Variants in FSTL5 observed in about 807,000 individuals in gnomAD.
The protein encoded by FSTL5 is follistatin like 5, also known as follistatin-related protein 5.
In FSTL5, 62 loss-of-function variants were observed where a neutral mutation model predicts 89.1. The ratio of observed to expected loss-of-function variants is 0.70; its 90% CI spans 0.57 to 0.86. The LOEUF (loss-of-function observed/expected upper bound fraction) is 0.86, where lower values mean the gene tolerates loss of function less well. Among genes scored for constraint, FSTL5 ranks in the 40% least tolerant of loss-of-function variants. The pLI is 0.00. For synonymous variants in FSTL5, 383 were observed against 346.2 expected, an observed-to-expected ratio of 1.11 and a Z score of -1.18; for missense variants, 1,057 against 1,001.6, an observed-to-expected ratio of 1.06 and a Z score of -0.75.
chr4:161,841,901 G>A (rs906052049), intron 4 of FSTL5, among the ~76,000 whole-genome samples: 6 of 152,032 alleles, frequency 3.9e-5, no homozygotes, highest in Non-Finnish European at 7.4e-5. Context: ...CTGGGCTGCC[G>A]GTCTGTTCAG....
chr4:161,402,823 CTT>C (rs145198636), intron 15 of FSTL5, among the ~76,000 whole-genome samples: 18 of 140,958 alleles, frequency 1.3e-4, no homozygotes, highest in Admixed American at 2.9e-4. Flanking sequence ...CTTGCCAGAA[CTT>C]TTTTTTTTTT....
intron 6 of FSTL5, among the ~76,000 whole-genome samples, chr4:161,728,798 T>A (rs2126760017): frequency 6.6e-6 from 1 of 152,274 alleles, no homozygotes. Flanking sequence ...CGATGGTACA[T>A]CATGTCCTTT....
chr4:161,875,419 A>C (rs1054530609), intron 4 of FSTL5, among the ~76,000 whole-genome samples: 1 of 152,008 alleles, frequency 6.6e-6, no homozygotes, highest in Admixed American at 6.6e-5. Context: ...CAGGAGTGTG[A>C]CCTTTGTAAC....
intron 3 of FSTL5, among the ~76,000 whole-genome samples, chr4:161,940,510 AC>A (rs1401386099): frequency 6.6e-6 from 1 of 151,768 alleles, no homozygotes; most frequent in Non-Finnish European, 1.5e-5. Context: ...AATCCTGAAA[AC>A]AGAGAGAAAC....
chr4:161,878,908 T>C (rs979677035), intron 4 of FSTL5, among the ~76,000 whole-genome samples: 3 of 152,208 alleles, frequency 2.0e-5, no homozygotes, highest in African/African-American at 7.2e-5. Flanking sequence ...AGCTTACATA[T>C]GATGCTACTG....
chr4:161,640,000 A>G (rs1404642500), intron 7 of FSTL5, among the ~76,000 whole-genome samples: 1 of 152,150 alleles, frequency 6.6e-6, no homozygotes, highest in Non-Finnish European at 1.5e-5. Context: ...ACAAGACTTT[A>G]AAGATAAGAA....
rs868564904 is a variant in FSTL5, at chr4:161,724,608, G to A, written c.727+34803C>T. ...TTTATATCTTCACGTTTGTTTGATTGCCTTAGTTTCTATGTCTGAATGCAA... is the reference window on the plus strand; with the variant it reads ...TTTATATCTTCACGTTTGTTTGATTACCTTAGTTTCTATGTCTGAATGCAA... On this transcript the variant is annotated intron_variant, in intron 6 of 15. Transcript: ENST00000306100. 2.0e-5 allele frequency among the ~76,000 whole-genome samples: 3 copies of A among 152,200 alleles called. No individual in the cohort carries two copies. The Middle Eastern group carries it at 0.01, about 518-fold the overall frequency.
At chr4:161,615,909 T>C (rs1029887807) in intron 7 of FSTL5, among the ~76,000 whole-genome samples, 3 of 152,152 alleles carry the variant, frequency 2.0e-5, no homozygotes, top group Non-Finnish European at 4.4e-5. Context: ...TTTTAAAATG[T>C]AACACAATTC....
At chr4:161,475,874 C>G in intron 13 of FSTL5, among the ~76,000 whole-genome samples, 1 of 151,930 alleles carries the variant, frequency 6.6e-6, no homozygotes, top group South Asian at 2.1e-4. Flanking sequence ...CTCAGCCTCC[C>G]GAGTAGATGA....
chr4:162,146,807 G>A, intron 1 of FSTL5, among the ~76,000 whole-genome samples: 1 of 146,050 alleles, frequency 6.8e-6, no homozygotes, highest in Non-Finnish European at 1.5e-5. Context: ...GTGTGTGTGA[G>A]ATGGAGTCTT....
chr4:161,647,185 A>C (rs1291185147), intron 7 of FSTL5, among the ~76,000 whole-genome samples: 1 of 152,162 alleles, frequency 6.6e-6, no homozygotes, highest in Admixed American at 6.5e-5. Context: ...TATAAGGTGT[A>C]AGACAAAAGT....
intron 7 of FSTL5, among the ~76,000 whole-genome samples, chr4:161,619,542 A>T (rs1458924008): frequency 1.3e-5 from 2 of 152,232 alleles, no homozygotes; most frequent in Non-Finnish European, 2.9e-5. Context: ...ACATGAACAG[A>T]CACTTCTCAA....
chr4:161,806,897 CAGAT>C lies in FSTL5; in HGVS notation c.410-30827_410-30824del, dbSNP rs200238262. ...TACACATATAGATTAGATAAATAGACAGATAGATAGATACATAGATAGATAGATA... is the reference window on the plus strand; with the variant it reads ...TACACATATAGATTAGATAAATAGACAGATAGATACATAGATAGATAGATA... On this transcript the variant is annotated intron_variant, in intron 4 of 15. Coordinates refer to ENST00000306100, the MANE Select transcript of FSTL5 (RefSeq NM_020116.5). Among the ~76,000 whole-genome samples the C allele has an allele frequency of 1.5e-4, 23 of 151,726 alleles. No individual in the cohort carries two copies. The East Asian group carries it at 3.7e-3, about 24-fold the overall frequency.
intron 6 of FSTL5, among the ~76,000 whole-genome samples, chr4:161,732,515 AT>A (rs1371813006): frequency 1.3e-5 from 2 of 152,020 alleles, no homozygotes; most frequent in African/African-American, 4.8e-5. Flanking sequence ...TATTTGAATA[AT>A]TTTTGTTGTC....
At chr4:161,731,254 T>A (rs916580928) in intron 6 of FSTL5, among the ~76,000 whole-genome samples, 23 of 152,140 alleles carry the variant, frequency 1.5e-4, no homozygotes, top group African/African-American at 5.1e-4. Context: ...AGGTATCCTT[T>A]CCTTGCACTA....
At chr4:162,102,281 G>A (rs1168723859) in intron 2 of FSTL5, among the ~76,000 whole-genome samples, 1 of 151,820 alleles carries the variant, frequency 6.6e-6, no homozygotes, top group Admixed American at 6.6e-5. Flanking sequence ...AAGGATCACT[G>A]ACTTCCTGGA....
At chr4:161,708,397 T>C (rs1018271520) in intron 6 of FSTL5, among the ~76,000 whole-genome samples, 17 of 152,022 alleles carry the variant, frequency 1.1e-4, no homozygotes, top group African/African-American at 4.1e-4. Flanking sequence ...TTTTCTGTAA[T>C]GCATAGCTAT....
intron 1 of FSTL5, among the ~76,000 whole-genome samples, chr4:162,128,177 A>G (rs1732157951): frequency 6.6e-6 from 1 of 152,216 alleles, no homozygotes; most frequent in African/African-American, 2.4e-5. Context: ...CTGATTGTAT[A>G]TAACTAATTA....
intron 6 of FSTL5, among the ~76,000 whole-genome samples, 186 bp from the exon 7 acceptor site, chr4:161,656,680 T>C (rs1173392254): frequency 1.3e-5 from 2 of 152,200 alleles, no homozygotes; most frequent in Non-Finnish European, 1.5e-5. Flanking sequence ...ATTTAATTGA[T>C]TGACAAGCAT....
Sources: gnomAD v4.1 joint callset for allele counts (sites outside exome capture counted in the v4.1 genomes callset) on GRCh38, gnomAD v4.1.1 for gene constraint, MANE v1.5 for transcripts, NCBI Gene and HGNC (gene_info 2026-07-23, HGNC 2026-07-21) for gene names.